RBFOX1: variants seen among roughly 807,000 people sequenced by gnomAD.
The protein encoded by RBFOX1 is RNA binding protein fox-1 homolog 1.
Under a neutral mutation model 57.7 loss-of-function variants are expected in RBFOX1, and 8 were observed. The ratio of observed to expected loss-of-function variants is 0.14; its 90% CI spans 0.08 to 0.25. The LOEUF (loss-of-function observed/expected upper bound fraction) is 0.25, where lower values mean the gene tolerates loss of function less well. RBFOX1 is among the 10% of genes least tolerant of loss of function. The pLI, the probability that RBFOX1 is intolerant of heterozygous loss-of-function variation, is 1.00. For missense variants in RBFOX1, 611 were observed against 548.5 expected (o/e 1.11, Z -1.14); for synonymous variants, 326 against 222.4 (o/e 1.47, Z -4.15).
In RBFOX1 at chr16:7,397,979, C is replaced by G. The variant is rs550382728; in HGVS notation, c.28-120168C>G. ...ATGCAAGCTTTATGTTATAAACCAC[C>G]AAGACATCTAAGCTTCTTCCCTTAC... is the stretch of plus-strand genomic sequence containing the variant. On this transcript the variant is annotated intron_variant, in intron 4 of 15. Coordinates refer to ENST00000550418, the MANE Select transcript of RBFOX1 (RefSeq NM_018723.4). Among the ~76,000 whole-genome samples the G allele has an allele frequency of 1.8e-4, 28 of 152,166 alleles. No individual in the cohort carries two copies. In the South Asian group the frequency reaches 5.0e-3, roughly 27 times the overall value.
chr16:5,514,330 G>T (rs1462838458), intron 2 of RBFOX1, among the ~76,000 whole-genome samples: 5 of 152,176 alleles, frequency 3.3e-5, no homozygotes, highest in African/African-American at 1.2e-4. Flanking sequence ...GCTCGTCTGG[G>T]CATGTGTTTC....
chr16:6,551,810 A>C (rs1261777169), intron 2 of RBFOX1, among the ~76,000 whole-genome samples: 1 of 152,220 alleles, frequency 6.6e-6, no homozygotes, highest in African/African-American at 2.4e-5. Context: ...TGTGATTATC[A>C]TGCCAATTAC....
At chr16:6,598,877 T>C (rs7201908) in intron 2 of RBFOX1, among the ~76,000 whole-genome samples, 142,832 of 152,194 alleles carry the variant, frequency 0.94, 67,692 homozygotes, top group East Asian at 1. Flanking sequence ...ATCCAGGAGA[T>C]GGAAGTTACA....
intron 4 of RBFOX1, among the ~76,000 whole-genome samples, chr16:7,061,732 A>G (rs1331256809): frequency 1.3e-5 from 2 of 152,196 alleles, no homozygotes; most frequent in Non-Finnish European, 2.9e-5. Flanking sequence ...AGCTCCAAGC[A>G]AATCGCTAAT....
In RBFOX1 at chr16:6,907,075, C is replaced by A. The variant is rs73529655; in HGVS notation, c.-15-144982C>A. 8.5e-3 allele frequency among the ~76,000 whole-genome samples: 1,290 copies of A among 152,232 alleles called. 17 individuals carry two copies. The highest frequency in any genetic ancestry group is 0.03 in the African/African-American group (1,228 of 41,540). ...ATTGTTTATGATCTCCATGTCATCT[C>A]CGTATTCCAAGGATTCTCAACCAGA... On this transcript the variant is annotated intron_variant, in intron 3 of 15. Transcript: ENST00000550418.
At chr16:6,608,855 G>A (rs1189248070) in intron 2 of RBFOX1, among the ~76,000 whole-genome samples, 2 of 152,238 alleles carry the variant, frequency 1.3e-5, no homozygotes, top group African/African-American at 4.8e-5. Flanking sequence ...CTAAAATCAT[G>A]GTGCCAGCAG....
intron 4 of RBFOX1, among the ~76,000 whole-genome samples, chr16:7,437,339 C>T (rs1279700831): frequency 6.6e-6 from 1 of 150,510 alleles, no homozygotes. Flanking sequence ...GAGTACTTGT[C>T]CATCAAACAT....
chr16:6,570,037 A>G (rs571396446), intron 2 of RBFOX1, among the ~76,000 whole-genome samples: 46 of 152,294 alleles, frequency 3.0e-4, no homozygotes, highest in Non-Finnish European at 5.3e-4. Context: ...GACCTTCAGT[A>G]TTGATAGCAT....
intron 14 of RBFOX1, among the ~76,000 whole-genome samples, chr16:7,683,331 C>G (rs1206199798): frequency 6.6e-6 from 1 of 151,212 alleles, no homozygotes; most frequent in South Asian, 2.1e-4. Context: ...CACACAGAGA[C>G]AGACAGACAG....
chr16:7,207,404 G>T (rs73547520), intron 4 of RBFOX1, among the ~76,000 whole-genome samples: 15,236 of 152,070 alleles, frequency 0.1, 823 homozygotes, highest in African/African-American at 0.12. Context: ...TCACATGAAT[G>T]GTAGAGAGAG....
At chr16:6,237,178 CGAACACAT>C (rs2097511427) in intron 1 of RBFOX1, among the ~76,000 whole-genome samples, 2 of 152,300 alleles carry the variant, frequency 1.3e-5, no homozygotes, top group South Asian at 4.1e-4. Flanking sequence ...ACTTTTATTA[CGAACACAT>C]CTTCCTATAA....
intron 3 of RBFOX1, among the ~76,000 whole-genome samples, chr16:6,801,672 A>C (rs1321667871): frequency 2.0e-5 from 3 of 152,070 alleles, no homozygotes; most frequent in Non-Finnish European, 4.4e-5. Flanking sequence ...ACTGAGGGTC[A>C]CACTGCTATT....
chr16:7,521,952 G>C (rs113466255), intron 5 of RBFOX1, among the ~76,000 whole-genome samples: 1 of 152,104 alleles, frequency 6.6e-6, no homozygotes, highest in Non-Finnish European at 1.5e-5. Flanking sequence ...GCAAGTTCAG[G>C]CTCCAGTCAC....
Position 5,949,786 on chromosome 16 carries a change from C to T in RBFOX1, c.351+82451C>T, listed in dbSNP as rs561790807. Among the ~76,000 whole-genome samples, 45 of 152,286 alleles carry T rather than the reference C, an allele frequency of 3.0e-4. No homozygotes were observed. In the South Asian group the frequency reaches 9.3e-3, roughly 32 times the overall value. ...ATTCATCACCCCGAATATTCTTTGGCCTCATCCCAAGCCTATTGAATCAGA... is the reference window on the plus strand; with the variant it reads ...ATTCATCACCCCGAATATTCTTTGGTCTCATCCCAAGCCTATTGAATCAGA... On this transcript the variant is annotated intron_variant, in intron 4 of 19. Coordinates refer to the RBFOX1 transcript ENST00000641259.
intron 1 of RBFOX1, among the ~76,000 whole-genome samples, chr16:5,394,058 C>A (rs2066483447): frequency 6.6e-6 from 1 of 152,024 alleles, no homozygotes; most frequent in African/African-American, 2.4e-5. Flanking sequence ...GTGTCTTACT[C>A]TGTTGCCCAT....
chr16:6,481,541 A>G (rs1253989229), intron 2 of RBFOX1, among the ~76,000 whole-genome samples: 2 of 152,176 alleles, frequency 1.3e-5, no homozygotes, highest in Non-Finnish European at 2.9e-5. Flanking sequence ...AAATTATTCC[A>G]CTGGGCATGC....
chr16:5,598,079 C>G (rs1171712893), intron 2 of RBFOX1, among the ~76,000 whole-genome samples: 1 of 152,062 alleles, frequency 6.6e-6, no homozygotes, highest in Non-Finnish European at 1.5e-5. Context: ...GGTGGATCAC[C>G]TGAGGTCAGG....
chr16:5,871,924 A>C (rs146386492), intron 4 of RBFOX1, among the ~76,000 whole-genome samples: 389 of 152,274 alleles, frequency 2.6e-3, no homozygotes, highest in African/African-American at 8.5e-3. Flanking sequence ...AAATAATTGC[A>C]ATGGGAAACT....
chr16:6,560,059 C>T (rs1176274227), intron 2 of RBFOX1, among the ~76,000 whole-genome samples: 1 of 151,984 alleles, frequency 6.6e-6, no homozygotes, highest in East Asian at 1.9e-4. Flanking sequence ...CACACTTTCC[C>T]ATTTCCCTTT....
Sources: allele counts gnomAD v4.1 joint callset (sites outside exome capture counted in the v4.1 genomes callset), GRCh38; gene constraint gnomAD v4.1.1; transcripts MANE v1.5; gene names NCBI Gene and HGNC (gene_info 2026-07-23, HGNC 2026-07-21).